The following CPLX1 variants were observed in gnomAD, a reference collection of about 807,000 sequenced individuals.
CPLX1 encodes the protein complexin-1.
Under a neutral mutation model 15.6 loss-of-function variants are expected in CPLX1, and 6 were observed. The observed-to-expected ratio is 0.39, with a 90% CI of 0.21 to 0.76. The LOEUF (loss-of-function observed/expected upper bound fraction) is 0.76, where lower values mean the gene tolerates loss of function less well. Ranked by LOEUF, CPLX1 falls within the 30% of genes least tolerant of loss-of-function variation. The pLI is 0.43. For synonymous variants in CPLX1, 91 were observed against 75.2 expected (o/e 1.21, Z -1.08); for missense variants, 242 against 188.6 (o/e 1.28, Z -1.66).
chr4:815,146 C>T (rs1746728080), intron 2 of CPLX1, among the ~76,000 whole-genome samples: 1 of 152,172 alleles, frequency 6.6e-6, no homozygotes, highest in African/African-American at 2.4e-5. Context: ...CGTGGTGGCT[C>T]ACGCCTGTAA....
intron 3 of CPLX1, among the ~76,000 whole-genome samples, chr4:788,861 CAT>C (rs757668312): frequency 2.0e-5 from 3 of 152,198 alleles, no homozygotes; most frequent in African/African-American, 4.8e-5. Flanking sequence ...CACTCAGGAA[CAT>C]GTGTGTGCTC....
intron 2 of CPLX1, among the ~76,000 whole-genome samples, chr4:808,902 T>G (rs1387412442): frequency 6.6e-6 from 1 of 152,248 alleles, no homozygotes; most frequent in Middle Eastern, 3.2e-3. Flanking sequence ...AGAATGTTCT[T>G]GGAACGGAGA....
intron 2 of CPLX1, among the ~76,000 whole-genome samples, chr4:822,988 G>C (rs1415472724): frequency 6.6e-6 from 1 of 152,148 alleles, no homozygotes; most frequent in East Asian, 1.9e-4. Flanking sequence ...CGCCTGCCCG[G>C]TTGCTGCTGC....
At chr4:817,351 C>T (rs1435540988) in intron 2 of CPLX1, among the ~76,000 whole-genome samples, 7 of 148,886 alleles carry the variant, frequency 4.7e-5, no homozygotes, top group Admixed American at 1.3e-4. Context: ...TTCAGGAGTT[C>T]GAGACCAGCC....
intron 2 of CPLX1, among the ~76,000 whole-genome samples, chr4:798,630 C>T (rs961532142): frequency 6.6e-6 from 1 of 152,228 alleles, no homozygotes; most frequent in Non-Finnish European, 1.5e-5. Flanking sequence ...CTCCTGGGCT[C>T]AAGTGATTTG....
At chr4:787,085 GAAAC>G in intron 3 of CPLX1, 2 of 985,376 alleles carry the variant, frequency 2.0e-6, no homozygotes, top group Non-Finnish European at 1.2e-6. Flanking sequence ...GAGGTGGGGA[GAAAC>G]AGTCAACCCG....
chr4:810,949 A>G, intron 2 of CPLX1, among the ~76,000 whole-genome samples: 1 of 151,826 alleles, frequency 6.6e-6, no homozygotes, highest in East Asian at 1.9e-4. Flanking sequence ...CGCCCGCCTC[A>G]GCCTCCCAAA....
In CPLX1 at chr4:808,451, A is replaced by G. The variant is rs1305167806; in HGVS notation, c.32-15843T>C. Among the ~76,000 whole-genome samples the G allele has an allele frequency of 3.3e-5, 5 of 152,324 alleles. No individual in the cohort carries two copies. The East Asian group carries it at 7.7e-4, about 23-fold the overall frequency. Reference sequence around the variant, plus strand: ...AAACGCTCACGCTCCCGGCAAGCCCAGGCATACACAGCAAAAAACACCTCA... The same window carrying G: ...AAACGCTCACGCTCCCGGCAAGCCCGGGCATACACAGCAAAAAACACCTCA... On this transcript the variant is annotated intron_variant, in intron 2 of 3. Coordinates refer to ENST00000304062, the MANE Select transcript of CPLX1 (RefSeq NM_006651.4).
chr4:819,580 G>A (rs1397638384), intron 2 of CPLX1, among the ~76,000 whole-genome samples: 2 of 152,198 alleles, frequency 1.3e-5, no homozygotes, highest in African/African-American at 4.8e-5. Flanking sequence ...ACACACTGCT[G>A]GGGGGTCATT....
intron 2 of CPLX1, among the ~76,000 whole-genome samples, chr4:815,999 C>T (rs9328758): frequency 0.54 from 81,936 of 151,958 alleles, 22,248 homozygotes; most frequent in Middle Eastern, 0.67. Flanking sequence ...GTTGTCTGTC[C>T]TTGAGAATAT....
intron 2 of CPLX1, among the ~76,000 whole-genome samples, chr4:814,219 ATTTT>A (rs572361585): frequency 1.4e-5 from 2 of 147,184 alleles, no homozygotes; most frequent in African/African-American, 5.0e-5. Flanking sequence ...ACTCTGCCTG[ATTTT>A]TTTTTTTTAA....
chr4:796,495 G>A (rs1746343354), intron 2 of CPLX1, among the ~76,000 whole-genome samples: 1 of 152,196 alleles, frequency 6.6e-6, no homozygotes, highest in Non-Finnish European at 1.5e-5. Flanking sequence ...GTATTGGCCA[G>A]GGTGGTCTCG....
chr4:814,179 C>G (rs1195068565), intron 2 of CPLX1, among the ~76,000 whole-genome samples: 1 of 152,144 alleles, frequency 6.6e-6, no homozygotes, highest in African/African-American at 2.4e-5. Context: ...CCACACTCCA[C>G]TTCCTCTTAT....
chr4:792,448 C>T lies in CPLX1; in HGVS notation c.192G>A (p.Gln64=). 6.3e-7 allele frequency: 1 copy of T among 1,597,794 alleles called. No individual in the cohort carries two copies. Among genetic ancestry groups the T allele is most frequent in the Non-Finnish European group, 8.5e-7 (1 of 1,172,760 alleles). The change falls in exon 3 of 4, where the codon CAG becomes CAA. Residue 64 remains glutamine, a synonymous_variant. Transcript: ENST00000304062. ...KMEAEREAVR[Q]GIRDKYGIKK... Reference sequence around the variant, plus strand: ...CGGCGCGCACCTTGTCTCGGATGCCCTGGCGCACGGCCTCGCGCTCCGCCT... The same window carrying T: ...CGGCGCGCACCTTGTCTCGGATGCCTTGGCGCACGGCCTCGCGCTCCGCCT...
At chr4:792,297 C>A (rs2152643033) in intron 3 of CPLX1, 136 bp downstream of exon 3, 2 of 742,546 alleles carry the variant, frequency 2.7e-6, no homozygotes, top group Non-Finnish European at 4.1e-6. Context: ...CTCCGCCACT[C>A]TGAAGCCCCC....
intron 2 of CPLX1, among the ~76,000 whole-genome samples, chr4:819,980 C>G (rs565324851): frequency 1.3e-5 from 2 of 152,172 alleles, no homozygotes; most frequent in Non-Finnish European, 2.9e-5. Context: ...ACATCGTCAC[C>G]CCAATTCAAG....
chr4:818,909 G>A (rs1746811267), intron 2 of CPLX1, among the ~76,000 whole-genome samples: 1 of 152,226 alleles, frequency 6.6e-6, no homozygotes, highest in Non-Finnish European at 1.5e-5. Context: ...CTCATCCCGG[G>A]GGACCGCCTA....
chr4:793,043 T>C (rs1307902053), intron 2 of CPLX1, among the ~76,000 whole-genome samples: 2 of 152,180 alleles, frequency 1.3e-5, no homozygotes, highest in African/African-American at 4.8e-5. Context: ...TGCATGTGTG[T>C]GTGGTTGACT....
rs200138156 is a variant in CPLX1 at position 812,223 on chromosome 4, C to T, written c.31+12269G>A. Among the ~76,000 whole-genome samples, 123 of 151,966 alleles carry T rather than the reference C, an allele frequency of 8.1e-4. No individual in the cohort carries two copies. The East Asian group carries it at 0.015, about 18-fold the overall frequency. On this transcript the variant is annotated intron_variant, in intron 2 of 3. Coordinates refer to ENST00000304062, the MANE Select transcript of CPLX1 (RefSeq NM_006651.4). ...CCGAGTAGCTGGGACTACAGGCGCC[C>T]GCCACCACGCCCCGCTAAATTTTTG...
Sources: allele counts gnomAD v4.1 joint callset (sites outside exome capture counted in the v4.1 genomes callset), GRCh38; gene constraint gnomAD v4.1.1; transcripts MANE v1.5; gene names NCBI Gene and HGNC (gene_info 2026-07-23, HGNC 2026-07-21).